SERINC5: variants seen among roughly 807,000 people sequenced by gnomAD.
SERINC5 encodes the protein serine incorporator 5.
Under a neutral mutation model 63.1 loss-of-function variants are expected in SERINC5, and 41 were observed. The observed-to-expected ratio is 0.65, with a 90% CI of 0.51 to 0.84. The LOEUF is 0.84. SERINC5 is among the 40% of genes least tolerant of loss of function. The pLI is 0.00. For synonymous variants in SERINC5, 222 were observed against 215.2 expected (o/e 1.03, Z -0.28); for missense variants, 523 against 573.0 (o/e 0.91, Z 0.89).
chr5:80,218,105 A>G (rs1750747665), intron 1 of SERINC5, among the ~76,000 whole-genome samples: 1 of 152,232 alleles, frequency 6.6e-6, no homozygotes, highest in Admixed American at 6.5e-5. Context: ...TCAAAAACAA[A>G]CAAACAAACA....
intron 4 of SERINC5, among the ~76,000 whole-genome samples, chr5:80,176,896 C>T (rs927846244): frequency 6.6e-6 from 1 of 152,140 alleles, no homozygotes; most frequent in Non-Finnish European, 1.5e-5. Context: ...AAAGCAGGTT[C>T]TAACAATAAA....
At chr5:80,213,448 C>T (rs1750527311) in intron 1 of SERINC5, among the ~76,000 whole-genome samples, 1 of 152,176 alleles carries the variant, frequency 6.6e-6, no homozygotes, top group Non-Finnish European at 1.5e-5. Context: ...AAGTACTAGA[C>T]TTAATTTAAA....
At chr5:80,164,339 G>T (rs551283079) in intron 7 of SERINC5, among the ~76,000 whole-genome samples, 40 of 145,758 alleles carry the variant, frequency 2.7e-4, no homozygotes, top group Middle Eastern at 3.4e-3. Flanking sequence ...GGGTTTTTTT[G>T]GGGGGGAGGG....
rs1459372977 is a variant in SERINC5, at chr5:80,182,637, C to G, written c.196-4573G>C. 4.6e-5 allele frequency among the ~76,000 whole-genome samples: 7 copies of G among 151,532 alleles called. No individual in the cohort carries two copies. The East Asian group carries it at 1.4e-3, about 30-fold the overall frequency. ...CTCGCCTCACTGCAACCTCTGCCTC[C>G]CAGGTTCAAGTGATTCTCCTGCCTC... On this transcript the variant is annotated intron_variant, in intron 2 of 11. Coordinates refer to ENST00000507668, the MANE Select transcript of SERINC5 (RefSeq NM_001174072.3).
At chr5:80,137,361 C>T (rs1411511107), downstream of SERINC5, among the ~76,000 whole-genome samples, 1 of 152,002 alleles carries the variant, frequency 6.6e-6, no homozygotes, top group Non-Finnish European at 1.5e-5. Flanking sequence ...GAATATGTGG[C>T]CAGGCACAGT....
intron 2 of SERINC5, among the ~76,000 whole-genome samples, chr5:80,189,127 G>T (rs1391040135): frequency 6.6e-6 from 1 of 152,104 alleles, no homozygotes; most frequent in Non-Finnish European, 1.5e-5. Flanking sequence ...TCAGCTTTAT[G>T]ACAGAAGTCA....
intron 1 of SERINC5, among the ~76,000 whole-genome samples, chr5:80,206,971 C>G (rs902580565): frequency 2.6e-5 from 4 of 151,494 alleles, no homozygotes; most frequent in Non-Finnish European, 4.4e-5. Flanking sequence ...TCTCTGTTAC[C>G]CTGTGGTCTT....
At chr5:80,137,670 A>AGT (rs1448797793), downstream of SERINC5, among the ~76,000 whole-genome samples, 1 of 140,326 alleles carries the variant, frequency 7.1e-6, no homozygotes, top group Non-Finnish European at 1.6e-5. Context: ...AGCTGGGCGC[A>AGT]GTGGCTCACG....
chr5:80,219,302 G>A (rs1232761891), intron 1 of SERINC5, among the ~76,000 whole-genome samples: 1 of 152,136 alleles, frequency 6.6e-6, no homozygotes, highest in Non-Finnish European at 1.5e-5. Flanking sequence ...TTTTTTCTTG[G>A]AGTAACAGCT....
chr5:80,243,249 C>G (rs887715456), intron 1 of SERINC5, among the ~76,000 whole-genome samples: 2 of 152,006 alleles, frequency 1.3e-5, no homozygotes, highest in African/African-American at 4.8e-5. Context: ...TTTAAAATAC[C>G]TAGAGTGATG....
intron 2 of SERINC5, among the ~76,000 whole-genome samples, chr5:80,198,208 A>G (rs1749625347): frequency 6.6e-6 from 1 of 152,182 alleles, no homozygotes; most frequent in Admixed American, 6.5e-5. Context: ...TATACAGTTA[A>G]TAACAAGAAT....
chr5:80,170,027 G>A (rs1170152675), intron 5 of SERINC5, among the ~76,000 whole-genome samples: 36 of 152,158 alleles, frequency 2.4e-4, no homozygotes, highest in Admixed American at 2.4e-3. Context: ...AAGGGGGCAG[G>A]TGGTGAGGCA....
At position 80,220,439 on chromosome 5, in the gene SERINC5, G is replaced by T. The variant is rs114242869; in HGVS notation, c.28-17386C>A. ...CAAAGTAAACAGGCCAAAGGGGTAG[G>T]CTGTTCAGGAAACAGATCTTAATTA... On this transcript the variant is annotated intron_variant, in intron 1 of 11. Transcript: ENST00000507668. Among the ~76,000 whole-genome samples, 992 of 152,292 alleles carry T rather than the reference G, an allele frequency of 6.5e-3. 6 individuals carry two copies. The highest frequency in any genetic ancestry group is 0.014 in the South Asian group (70 of 4,828).
At chr5:80,146,377 T>C (rs1413095986) in intron 10 of SERINC5, 143 bp from the exon 11 acceptor site, 1 of 906,410 alleles carries the variant, frequency 1.1e-6, no homozygotes. Flanking sequence ...CTTCAATCTG[T>C]GCCCTAAGCA....
chr5:80,208,713 C>T (rs946449831), intron 1 of SERINC5, among the ~76,000 whole-genome samples: 1 of 152,198 alleles, frequency 6.6e-6, no homozygotes, highest in South Asian at 2.1e-4. Flanking sequence ...TGCTTGCAAT[C>T]CTTCCAGAAA....
chr5:80,138,704 T>C, downstream of SERINC5: 1 of 508,484 alleles, frequency 2.0e-6, no homozygotes, highest in Non-Finnish European at 2.5e-6. Flanking sequence ...TTCCTGAATA[T>C]ATACATATTT....
chr5:80,146,192 A>G lies in SERINC5; in HGVS notation c.1136T>C (p.Ile379Thr). The change falls in exon 11 of 12, where the codon ATT becomes ACT. Residue 379 changes from isoleucine (I) to threonine (T), a missense_variant. Physicochemically the swap from Ile to Thr is moderately conservative, Grantham distance 89. Coordinates refer to ENST00000507668, the MANE Select transcript of SERINC5 (RefSeq NM_001174072.3). ...GACGGTGCCTTTCTTCTCGTCATAA[A>G]TGACCCGTGGTCCCTCCTTCCCCGG... Reference protein sequence around the residue: ...QQPGKEGPRVIYDEKKGTVYI... With the variant: ...QQPGKEGPRVTYDEKKGTVYI... 6.2e-7 allele frequency: 1 copy of G among 1,614,000 alleles called. No individual in the cohort carries two copies. The highest frequency in any genetic ancestry group is 8.5e-7 in the Non-Finnish European group (1 of 1,179,874).
chr5:80,132,043 C>T (rs1744967244), intron 11 of SERINC5, among the ~76,000 whole-genome samples: 1 of 152,182 alleles, frequency 6.6e-6, no homozygotes, highest in African/African-American at 2.4e-5. Flanking sequence ...TTGAGCATTT[C>T]TGCCAGCCCC....
rs753918960 is a variant in SERINC5 at position 80,141,576 on chromosome 5, C to T, written c.*2087G>A. The T allele has an allele frequency of 1.1e-4, 110 of 985,400 alleles. No individual in the cohort carries two copies. The highest frequency in any genetic ancestry group is 1.3e-4 in the Non-Finnish European group (108 of 830,032). The allele number at this position is 985,400 out of a possible 1,614,324, so 61.0% of individuals were successfully genotyped here. On this transcript the variant is annotated 3_prime_UTR_variant, in exon 12 of 12. Transcript: ENST00000507668. ...GAAACTAGTCACAATACTGCCCAGG[C>T]TCTTTACCTGCTTCCCCTCAGGGTG...
Sources: gnomAD v4.1 joint callset for allele counts (sites outside exome capture counted in the v4.1 genomes callset) on GRCh38, gnomAD v4.1.1 for gene constraint, MANE v1.5 for transcripts, NCBI Gene and HGNC (gene_info 2026-07-23, HGNC 2026-07-21) for gene names.